The following EBF4 variants were observed in gnomAD, a reference collection of about 807,000 sequenced individuals.
EBF4 encodes EBF transcription factor 4, also known as transcription factor COE4.
In EBF4, 34 loss-of-function variants were observed where a neutral mutation model predicts 67.1. The observed-to-expected ratio is 0.51, with a 90% CI of 0.39 to 0.67. EBF4 has a LOEUF of 0.67. Ranked by LOEUF, EBF4 falls within the 30% of genes least tolerant of loss-of-function variation. The pLI is 0.00. For missense variants in EBF4, 837 were observed against 873.3 expected, an observed-to-expected ratio of 0.96 and a Z score of 0.52; for synonymous variants, 387 against 377.7, an observed-to-expected ratio of 1.02 and a Z score of -0.29.
chr20:2,748,732 C>T lies in EBF4; in HGVS notation c.639+102C>T, dbSNP rs559584544. The T allele has an allele frequency of 9.3e-5, 125 of 1,336,964 alleles. 3 individuals are homozygous for T. In the South Asian group the frequency reaches 1.6e-3, roughly 17 times the overall value. 82.8% of individuals were successfully genotyped at this position (1,336,964 alleles called of 1,614,324 possible). ...TGTGACCCTGCCACCCTGGGAAAGG[C>T]CTCCAAGGCAGATCTCTGCCCAGCC... On this transcript the variant is annotated intron_variant, in intron 7 of 16. Transcript: ENST00000609451.
intron 14 of EBF4, among the ~76,000 whole-genome samples, chr20:2,753,593 C>G (rs984514356): frequency 6.6e-6 from 1 of 152,238 alleles, no homozygotes; most frequent in South Asian, 2.1e-4. Flanking sequence ...GCGACTCTGC[C>G]GAGCTGGAGA....
rs142125350 is a variant in EBF4 at position 2,703,589 on chromosome 20, A to T, written c.138-1988A>T. 1.4e-3 allele frequency among the ~76,000 whole-genome samples: 212 copies of T among 152,062 alleles called. 2 individuals are homozygous for T. The highest frequency in any genetic ancestry group is 0.01 in the Middle Eastern group (3 of 294). On this transcript the variant is annotated intron_variant, in intron 1 of 16. Transcript: ENST00000609451. ...CTGAGGCAGCGGGATCATTTGAGTTAGTAGGTCGAAGCTGCAGTGAGCTGT... is the reference window on the plus strand; with the variant it reads ...CTGAGGCAGCGGGATCATTTGAGTTTGTAGGTCGAAGCTGCAGTGAGCTGT...
intron 7 of EBF4, among the ~76,000 whole-genome samples, chr20:2,749,031 C>A (rs913616289): frequency 6.6e-6 from 1 of 152,216 alleles, no homozygotes; most frequent in Non-Finnish European, 1.5e-5. Flanking sequence ...GCTCCTGCTG[C>A]TGAGTTCTCC....
Position 2,707,897 on chromosome 20 carries a change from C to T in EBF4, c.415-50C>T. The T allele has an allele frequency of 2.6e-6, 4 of 1,518,816 alleles. No homozygotes were observed. The highest frequency in any genetic ancestry group is 3.6e-6 in the Non-Finnish European group (4 of 1,122,702). The allele number at this position is 1,518,816 out of a possible 1,614,324, so 94.1% of individuals were successfully genotyped here. ...AGGTCCGTCTGTGCTGCCACCTGCA[C>T]CTCAGAGGAGCCTCCTTCCCCTCCA... On this transcript the variant is annotated intron_variant, in intron 4 of 16. Coordinates refer to ENST00000609451, the Ensembl canonical transcript of EBF4. The surrounding 1 kb of genome is among the most constrained non-coding windows in gnomAD (Gnocchi z 4.6).
chr20:2,742,915 C>T (rs2087989019), intron 6 of EBF4, among the ~76,000 whole-genome samples: 1 of 152,140 alleles, frequency 6.6e-6, no homozygotes, highest in Non-Finnish European at 1.5e-5. Context: ...TGTCCCAGGC[C>T]CAGAACCTTG....
chr20:2,721,197 T>C (rs1204911525), intron 6 of EBF4, among the ~76,000 whole-genome samples: 2 of 151,406 alleles, frequency 1.3e-5, no homozygotes, highest in African/African-American at 2.4e-5. Flanking sequence ...CTCCAATTAC[T>C]CACATATTGG....
chr20:2,700,661 C>CTGTTT (rs913693406), intron 1 of EBF4, among the ~76,000 whole-genome samples: 1 of 152,160 alleles, frequency 6.6e-6, no homozygotes, highest in African/African-American at 2.4e-5. Context: ...GTCTCTATCC[C>CTGTTT]TGTTTCTTTT....
intron 6 of EBF4, among the ~76,000 whole-genome samples, chr20:2,712,624 A>G (rs2087559010): frequency 1.3e-5 from 2 of 152,200 alleles, no homozygotes; most frequent in South Asian, 4.1e-4. Context: ...CTCAAGAGAA[A>G]GGTTCAGGCT....
chr20:2,722,455 T>C (rs78660112), intron 6 of EBF4, among the ~76,000 whole-genome samples: 1,936 of 152,290 alleles, frequency 0.013, 53 homozygotes, highest in African/African-American at 0.043. Flanking sequence ...ATGCATGCCT[T>C]TATCAGTACT....
intron 6 of EBF4, among the ~76,000 whole-genome samples, chr20:2,723,388 T>C (rs187938421): frequency 0.013 from 1,934 of 152,280 alleles, 52 homozygotes; most frequent in African/African-American, 0.043. Flanking sequence ...TCTCGCTCTG[T>C]CGCCCAGGCT....
intron 6 of EBF4, among the ~76,000 whole-genome samples, chr20:2,715,889 C>T (rs1489466149): frequency 6.6e-6 from 1 of 152,062 alleles, no homozygotes; most frequent in Non-Finnish European, 1.5e-5. Flanking sequence ...GCTGGGATTA[C>T]AGGCGCACGC....
rs377189316 is a variant in EBF4 at position 2,696,065 on chromosome 20, C to T, written c.137+2283C>T. Among the ~76,000 whole-genome samples the T allele has an allele frequency of 1.7e-4, 26 of 152,360 alleles. No homozygotes were observed. Among genetic ancestry groups the T allele is most frequent in the African/African-American group, 6.0e-4 (25 of 41,588 alleles). On this transcript the variant is annotated intron_variant, in intron 1 of 16. Coordinates refer to ENST00000609451, the Ensembl canonical transcript of EBF4. This position sits in a 1 kb window ranked among gnomAD's most constrained non-coding sequence, Gnocchi z 4.7. ...TGGTTACCACCTCAGCCTCCTGGCC[C>T]AGTGCCTAGCCCCAGCCATTCACCA...
At position 2,745,490 on chromosome 20, in the gene EBF4, T is replaced by C. The variant is rs1035638088; in HGVS notation, c.558-3059T>C. The stretch of plus-strand genomic sequence containing the variant: ...CCCCATAGACAGAGGTGCTGGCAGG[T>C]CCCTAGGGCTCTCAGAAAGGGGTGG... On this transcript the variant is annotated intron_variant, in intron 6 of 16. Coordinates refer to ENST00000609451, the Ensembl canonical transcript of EBF4. This position sits in a 1 kb window ranked among gnomAD's most constrained non-coding sequence, Gnocchi z 5.2. Among the ~76,000 whole-genome samples the C allele has an allele frequency of 6.6e-6, 1 of 152,128 alleles. No individual in the cohort carries two copies. Among genetic ancestry groups the C allele is most frequent in the African/African-American group, 2.4e-5 (1 of 41,422 alleles).
At chr20:2,715,936 A>G (rs2087602581) in intron 6 of EBF4, among the ~76,000 whole-genome samples, 2 of 151,928 alleles carry the variant, frequency 1.3e-5, no homozygotes, top group Admixed American at 1.3e-4. Flanking sequence ...TTTAGCAGAG[A>G]TGGGATTTCG....
chr20:2,731,541 G>A (rs1163711436), intron 6 of EBF4, among the ~76,000 whole-genome samples: 2 of 152,210 alleles, frequency 1.3e-5, no homozygotes, highest in African/African-American at 4.8e-5. Flanking sequence ...GGGAAAGATA[G>A]CGTCTAAATG....
At chr20:2,726,764 G>A (rs1479275872) in intron 6 of EBF4, among the ~76,000 whole-genome samples, 4 of 151,818 alleles carry the variant, frequency 2.6e-5, no homozygotes, top group African/African-American at 9.7e-5. Flanking sequence ...TAACTTCTTG[G>A]TGTCATTTTT....
intron 6 of EBF4, among the ~76,000 whole-genome samples, chr20:2,716,932 G>C (rs961952752): frequency 1.3e-5 from 2 of 152,132 alleles, no homozygotes; most frequent in African/African-American, 4.8e-5. Context: ...CACCTTCCCT[G>C]AACATTCTTC....
chr20:2,759,171 GT>G, intron 16 of EBF4, 96 bp from the exon 17 acceptor site: 1 of 616,268 alleles, frequency 1.6e-6, no homozygotes, highest in Non-Finnish European at 2.8e-6. Context: ...GCCCACCCCA[GT>G]AACCCAAGCT....
chr20:2,702,343 A>G (rs2087388365), intron 1 of EBF4, among the ~76,000 whole-genome samples: 1 of 151,944 alleles, frequency 6.6e-6, no homozygotes, highest in African/African-American at 2.4e-5. Context: ...TGGGAGGATC[A>G]CGTGAGCCTA....
Sources: allele counts gnomAD v4.1 joint callset (sites outside exome capture counted in the v4.1 genomes callset), GRCh38; gene constraint gnomAD v4.1.1; non-coding constraint Gnocchi (gnomAD v3.1); transcripts MANE v1.5; gene names NCBI Gene and HGNC (gene_info 2026-07-23, HGNC 2026-07-21).